The following OPHN1 variants were observed in gnomAD, a reference collection of about 807,000 sequenced individuals.
OPHN1 encodes oligophrenin 1, also known as oligophrenin-1.
Under a neutral mutation model 60.7 loss-of-function variants are expected in OPHN1, and 11 were observed. The observed-to-expected ratio is 0.18, with a 90% CI of 0.11 to 0.30. The LOEUF is 0.30. Among genes scored for constraint, OPHN1 ranks in the 10% least tolerant of loss-of-function variants. OPHN1 has a pLI of 1.00. For synonymous variants in OPHN1, 226 were observed against 222.6 expected (o/e 1.02, Z -0.14); for missense variants, 449 against 611.0 (o/e 0.73, Z 2.80).
At chrX:68,283,240 G>T in intron 3 of OPHN1, 123 bp from the exon 4 acceptor site, 1 of 525,603 alleles carries the variant, frequency 1.9e-6, no homozygotes, top group East Asian at 3.7e-5. Context: ...CTAGAGGAAG[G>T]TGTCAAATCG....
At chrX:68,159,617 T>C (rs2077325072) in intron 15 of OPHN1, among the ~76,000 whole-genome samples, 1 of 111,946 alleles carries the variant, frequency 8.9e-6, no homozygotes, top group Non-Finnish European at 1.9e-5. Flanking sequence ...ATTGTAATAA[T>C]GTATTGTTGG....
chrX:68,184,899 G>T (rs1351230066), intron 15 of OPHN1, among the ~76,000 whole-genome samples: 2 of 112,432 alleles, frequency 1.8e-5, no homozygotes, highest in Non-Finnish European at 1.9e-5. Context: ...CCCATGAATG[G>T]TTTTAAAGCT....
chrX:68,422,124 G>C (rs957807205), intron 2 of OPHN1, among the ~76,000 whole-genome samples: 1 of 111,199 alleles, frequency 9.0e-6, no homozygotes, highest in African/African-American at 3.3e-5. Flanking sequence ...AGCCCTAATG[G>C]GGAGGAAATA....
intron 5 of OPHN1, among the ~76,000 whole-genome samples, chrX:68,264,297 C>T (rs1222342860): frequency 1.8e-5 from 2 of 111,368 alleles, no homozygotes; most frequent in African/African-American, 6.5e-5. Flanking sequence ...AGCAAAAGGA[C>T]CTATCATCAG....
chrX:68,258,445 G>A (rs933984189), intron 5 of OPHN1, among the ~76,000 whole-genome samples: 1 of 80,729 alleles, frequency 1.2e-5, no homozygotes, highest in Non-Finnish European at 2.2e-5. Flanking sequence ...CCCTGTGTGT[G>A]ATGTTCCCCT....
intron 19 of OPHN1, among the ~76,000 whole-genome samples, chrX:68,088,772 T>C (rs2077004952): frequency 9.0e-6 from 1 of 110,839 alleles, no homozygotes; most frequent in Non-Finnish European, 1.9e-5. Flanking sequence ...TGTCTAATTA[T>C]TGGTATCATT....
intron 2 of OPHN1, among the ~76,000 whole-genome samples, chrX:68,361,889 A>G (rs955176972): frequency 1.5e-4 from 17 of 112,046 alleles, no homozygotes; most frequent in African/African-American, 5.5e-4. Context: ...TATCTCTTTC[A>G]TCTTTTTGAT....
chrX:68,198,504 T>C (rs1359141604), intron 11 of OPHN1, among the ~76,000 whole-genome samples: 1 of 111,976 alleles, frequency 8.9e-6, no homozygotes, highest in Admixed American at 9.5e-5. Flanking sequence ...CCCAGAGATA[T>C]CCCAAGCTGT....
intron 2 of OPHN1, among the ~76,000 whole-genome samples, chrX:68,378,461 CT>C (rs2078574094): frequency 9.0e-6 from 1 of 111,726 alleles, no homozygotes; most frequent in Non-Finnish European, 1.9e-5. Context: ...CAAATTTTGG[CT>C]TTTGTTGCCA....
At chrX:68,095,339 C>A (rs1337618153) in intron 19 of OPHN1, among the ~76,000 whole-genome samples, 1 of 111,991 alleles carries the variant, frequency 8.9e-6, no homozygotes, top group African/African-American at 3.2e-5. Flanking sequence ...AACACATCTA[C>A]AACCATCTGT....
At chrX:68,218,611 T>C (rs1477304510) in intron 6 of OPHN1, among the ~76,000 whole-genome samples, 2 of 107,522 alleles carry the variant, frequency 1.9e-5, no homozygotes, top group African/African-American at 6.8e-5. Flanking sequence ...CAGAAGAGAG[T>C]GGGGGCCAAT....
intron 15 of OPHN1, chrX:68,132,739 C>CGAA (rs2077201584): frequency 1.2e-5 from 1 of 86,722 alleles, no homozygotes; most frequent in Non-Finnish European, 2.1e-5. Context: ...TACTAAGTGT[C>CGAA]AAAAAAAAAA....
chrX:68,081,378 C>G (rs999674205), intron 19 of OPHN1, among the ~76,000 whole-genome samples: 2 of 111,030 alleles, frequency 1.8e-5, no homozygotes, highest in Non-Finnish European at 3.8e-5. Flanking sequence ...ACTTGAAGCT[C>G]AGTTTGCATT....
chrX:68,428,148 A>T (rs745312233), intron 2 of OPHN1, among the ~76,000 whole-genome samples: 1 of 111,919 alleles, frequency 8.9e-6, no homozygotes, highest in Admixed American at 9.5e-5. Flanking sequence ...TAGGATAAGC[A>T]GGGCCTTTAG....
At chrX:68,351,533 T>C (rs886560697) in intron 2 of OPHN1, among the ~76,000 whole-genome samples, 1 of 111,823 alleles carries the variant, frequency 8.9e-6, no homozygotes, top group Non-Finnish European at 1.9e-5. Context: ...TCACTAAACA[T>C]GGTCACCAAA....
intron 18 of OPHN1, among the ~76,000 whole-genome samples, chrX:68,107,235 G>T (rs1055948101): frequency 9.0e-6 from 1 of 110,959 alleles, no homozygotes; most frequent in Non-Finnish European, 1.9e-5. Flanking sequence ...TTCAAATTTG[G>T]ATCCAAACAA....
intron 20 of OPHN1, among the ~76,000 whole-genome samples, chrX:68,069,442 C>T (rs1289363661): frequency 9.0e-6 from 1 of 111,464 alleles, no homozygotes; most frequent in Non-Finnish European, 1.9e-5. Flanking sequence ...TGTTCCCCTC[C>T]ACTTTCTCCT....
intron 15 of OPHN1, among the ~76,000 whole-genome samples, chrX:68,158,363 G>A (rs780408502): frequency 8.9e-6 from 1 of 111,972 alleles, no homozygotes; most frequent in South Asian, 3.8e-4. Flanking sequence ...CACAGATGTT[G>A]GAGGAAAATC....
At chrX:68,258,397 CCCT>C (rs1394467977) in intron 5 of OPHN1, among the ~76,000 whole-genome samples, 12 of 47,058 alleles carry the variant, frequency 2.6e-4, no homozygotes, top group African/African-American at 2.3e-3. Context: ...TACCCCTCCC[CCCT>C]CCCCCCTCCT....
Sources: allele counts gnomAD v4.1 joint callset (sites outside exome capture counted in the v4.1 genomes callset), GRCh38; gene constraint gnomAD v4.1.1; transcripts MANE v1.5; gene names NCBI Gene and HGNC (gene_info 2026-07-23, HGNC 2026-07-21).